Variants in AMMECR1 observed in about 807,000 individuals in gnomAD.
AMMECR1 encodes the protein AMMECR nuclear protein 1, also known as nuclear protein AMMECR1.
AMMECR1 carries 3 observed loss-of-function variants against 22.5 expected under a neutral mutation model. That is an observed-to-expected ratio of 0.13 (90% CI 0.06 to 0.35). AMMECR1 has a LOEUF of 0.35. Ranked by LOEUF, AMMECR1 falls within the 10% of genes least tolerant of loss-of-function variation. The probability of loss-of-function intolerance (pLI) is 1.00; values close to 1 mark genes in which losing one functional copy is unlikely to be tolerated. For missense variants in AMMECR1, 235 were observed against 278.7 expected (o/e 0.84, Z 1.12); for synonymous variants, 130 against 116.7 (o/e 1.11, Z -0.74).
intron 1 of AMMECR1, among the ~76,000 whole-genome samples, chrX:110,433,727 G>A (rs765266680): frequency 1.2e-4 from 13 of 112,074 alleles, no homozygotes; most frequent in Non-Finnish European, 1.9e-4. Context: ...CTGAATGAGT[G>A]TTAACTAGCC....
chrX:110,299,073 A>G (rs1289094108), intron 1 of AMMECR1, among the ~76,000 whole-genome samples: 1 of 111,808 alleles, frequency 8.9e-6, no homozygotes, highest in Non-Finnish European at 1.9e-5. Context: ...TTTAAAGTTA[A>G]TATGTGTGAA....
chrX:110,194,710 T>C lies in AMMECR1; in HGVS notation c.*3810A>G, dbSNP rs1313305361. 2 of 112,515 alleles carry C rather than the reference T, an allele frequency of 1.8e-5. No homozygotes were observed. The highest frequency in any genetic ancestry group is 3.2e-5 in the African/African-American group (1 of 30,988). The allele number at this position is 112,515 out of a possible 1,213,427, so 9.3% of individuals were successfully genotyped here. On this transcript the variant is annotated 3_prime_UTR_variant, in exon 6 of 6. Coordinates refer to ENST00000262844, the MANE Select transcript of AMMECR1 (RefSeq NM_015365.3). The stretch of plus-strand genomic sequence containing the variant: ...AAAGTTTGTTTGCTCAGTGCGTCTA[T>C]GTACCAGCGCAGTTACTGGGTAGAG...
At chrX:110,312,946 C>A (rs1019533973) in intron 1 of AMMECR1, among the ~76,000 whole-genome samples, 1 of 112,623 alleles carries the variant, frequency 8.9e-6, no homozygotes, top group Non-Finnish European at 1.9e-5. Flanking sequence ...CTGCGATAGA[C>A]AGATACATCT....
intron 3 of AMMECR1, among the ~76,000 whole-genome samples, chrX:110,204,749 A>G (rs1385433065): frequency 3.6e-5 from 4 of 111,822 alleles, no homozygotes; most frequent in Non-Finnish European, 7.5e-5. Flanking sequence ...TGGTATGTGA[A>G]TGGTATCACA....
chrX:110,239,091 G>GA (rs2067616710), intron 2 of AMMECR1, among the ~76,000 whole-genome samples: 2 of 111,692 alleles, frequency 1.8e-5, no homozygotes, highest in South Asian at 7.6e-4. Flanking sequence ...CAAAGAAGAG[G>GA]AAAAAACAGC....
intron 2 of AMMECR1, among the ~76,000 whole-genome samples, chrX:110,407,083 A>G (rs2068607912): frequency 8.9e-6 from 1 of 111,919 alleles, no homozygotes; most frequent in African/African-American, 3.3e-5. Context: ...GTGATTAACA[A>G]TGCCGCCAAC....
chrX:110,199,118 CAAAT>C (rs1260159677), intron 5 of AMMECR1, among the ~76,000 whole-genome samples: 1 of 111,651 alleles, frequency 9.0e-6, no homozygotes, highest in African/African-American at 3.3e-5. Flanking sequence ...CCACATTTCT[CAAAT>C]AGTTGTGTGT....
At chrX:110,386,910 T>C (rs941362469) in intron 2 of AMMECR1, among the ~76,000 whole-genome samples, 4 of 112,262 alleles carry the variant, frequency 3.6e-5, no homozygotes, top group African/African-American at 1.3e-4. Flanking sequence ...TAAATAATTA[T>C]AACATGTTTA....
At chrX:110,232,396 CA>C (rs1194058044) in intron 2 of AMMECR1, among the ~76,000 whole-genome samples, 1 of 112,032 alleles carries the variant, frequency 8.9e-6, no homozygotes, top group Admixed American at 9.5e-5. Flanking sequence ...GGAAACTGAA[CA>C]ACTTGCTCCT....
rs190098263 is a variant in AMMECR1, at chrX:110,265,570, C to T, written c.474-971G>A. ...TAATGGTTAAGTCTAAAAACAATTA[C>T]GTTCTAATTAGAGCAACTTTGTATG... On this transcript the variant is annotated intron_variant, in intron 1 of 5. Transcript: ENST00000262844. Among the ~76,000 whole-genome samples, 751 of 111,604 alleles carry T rather than the reference C, an allele frequency of 6.7e-3. 4 individuals are homozygous for T. Among genetic ancestry groups the T allele is most frequent in the Non-Finnish European group, 0.012 (640 of 53,014 alleles).
chrX:110,272,379 T>A (rs1428395599), intron 1 of AMMECR1, among the ~76,000 whole-genome samples: 1 of 112,011 alleles, frequency 8.9e-6, no homozygotes, highest in Non-Finnish European at 1.9e-5. Flanking sequence ...TACAGTCAAC[T>A]CCTATTTTTT....
chrX:110,217,389 T>C (rs1482546604), intron 2 of AMMECR1, among the ~76,000 whole-genome samples: 3 of 109,060 alleles, frequency 2.8e-5, no homozygotes, highest in African/African-American at 1.0e-4. Flanking sequence ...TCTGAGTACA[T>C]CAACTCTGAT....
chrX:110,318,022 G>A lies in AMMECR1; in HGVS notation c.50C>T (p.Pro17Leu), dbSNP rs774532846. The change falls in exon 1 of 6, where the codon CCC becomes CTC. Residue 17 changes from proline (P) to leucine (L), a missense_variant. By Grantham distance (98) the Pro-to-Leu change is moderately conservative. Transcript: ENST00000262844. ...ACCACCGCCACCCGAGCCAGAGGGG[G>A]GCGAACTGGACAGTTTCTGCTTCTT... ...GVKKQKLSSS[P>L]PSGSGGGGGA... 5 of 1,206,519 alleles carry A rather than the reference G, an allele frequency of 4.1e-6. No individual in the cohort carries two copies. The highest frequency in any genetic ancestry group is 3.6e-5 in the South Asian group (2 of 56,004).
At chrX:110,251,171 G>A (rs1445004915) in intron 2 of AMMECR1, among the ~76,000 whole-genome samples, 1 of 112,489 alleles carries the variant, frequency 8.9e-6, no homozygotes, top group Non-Finnish European at 1.9e-5. Flanking sequence ...AGTTTGCTTT[G>A]ATGTTGCTTG....
intron 2 of AMMECR1, among the ~76,000 whole-genome samples, chrX:110,351,413 A>G (rs1357601450): frequency 8.9e-6 from 1 of 112,426 alleles, no homozygotes; most frequent in African/African-American, 3.2e-5. Context: ...GTGGAATAGA[A>G]TGAAGGGTCC....
intron 1 of AMMECR1, among the ~76,000 whole-genome samples, chrX:110,430,907 T>G (rs1276120839): frequency 3.6e-5 from 4 of 112,139 alleles, no homozygotes; most frequent in Non-Finnish European, 7.5e-5. Context: ...TAAAAATCCC[T>G]AGATGTGGTC....
chrX:110,294,874 T>C (rs1220986633), intron 1 of AMMECR1, among the ~76,000 whole-genome samples: 1 of 110,755 alleles, frequency 9.0e-6, no homozygotes, highest in East Asian at 2.8e-4. Context: ...GAAGTCTTGA[T>C]GAGGGCAGGA....
chrX:110,253,399 A>G (rs1428054703), intron 2 of AMMECR1, among the ~76,000 whole-genome samples: 4 of 112,194 alleles, frequency 3.6e-5, no homozygotes, highest in Non-Finnish European at 1.9e-5. Context: ...CTGGGCAATA[A>G]TAAAGCCTAT....
At chrX:110,363,956 G>A (rs1012138759) in intron 2 of AMMECR1, among the ~76,000 whole-genome samples, 2 of 112,109 alleles carry the variant, frequency 1.8e-5, no homozygotes, top group African/African-American at 6.5e-5. Flanking sequence ...AAAACGGAAT[G>A]AGTGGTATAT....
Sources: gnomAD v4.1 joint callset for allele counts (sites outside exome capture counted in the v4.1 genomes callset) on GRCh38, gnomAD v4.1.1 for gene constraint, MANE v1.5 for transcripts, NCBI Gene and HGNC (gene_info 2026-07-23, HGNC 2026-07-21) for gene names.